Variants in DCUN1D1 observed in about 807,000 individuals in gnomAD.
The protein encoded by DCUN1D1 is DCN1-like protein 1.
In DCUN1D1, 3 loss-of-function variants were observed where a neutral mutation model predicts 39.0. The ratio of observed to expected loss-of-function variants is 0.08; its 90% CI spans 0.04 to 0.20. The LOEUF (loss-of-function observed/expected upper bound fraction) is 0.20, where lower values mean the gene tolerates loss of function less well. Among genes scored for constraint, DCUN1D1 ranks in the 10% least tolerant of loss-of-function variants. The probability of loss-of-function intolerance (pLI) is 1.00; values close to 1 mark genes in which losing one functional copy is unlikely to be tolerated. For missense variants in DCUN1D1, 158 were observed against 302.4 expected (o/e 0.52, Z 3.54); for synonymous variants, 82 against 96.3 (o/e 0.85, Z 0.87).
upstream of DCUN1D1, among the ~76,000 whole-genome samples, chr3:182,982,077 T>G (rs1019547935): frequency 1.3e-5 from 2 of 152,210 alleles, no homozygotes; most frequent in Admixed American, 6.5e-5. Context: ...CTCCAATCTG[T>G]TCTACTCCAT....
chr3:182,947,062 C>T (rs1004333643), intron 6 of DCUN1D1, among the ~76,000 whole-genome samples, 176 bp downstream of exon 6: 4 of 152,114 alleles, frequency 2.6e-5, no homozygotes, highest in Admixed American at 1.3e-4. Flanking sequence ...ATGCTTGCAC[C>T]AATGCACCTA....
intron 1 of DCUN1D1, among the ~76,000 whole-genome samples, chr3:182,971,345 A>G (rs1727924833): frequency 6.6e-6 from 1 of 152,144 alleles, no homozygotes; most frequent in Non-Finnish European, 1.5e-5. Flanking sequence ...CAAGAGGAAC[A>G]CTTGAGCTCA....
At chr3:182,980,582 C>T, upstream of DCUN1D1, 4 of 1,150,152 alleles carry the variant, frequency 3.5e-6, no homozygotes, top group East Asian at 1.0e-4. Context: ...GCTTGCCCGG[C>T]TCCCGCTCAT....
chr3:182,976,182 C>T lies in DCUN1D1; in HGVS notation c.3+4305G>A, dbSNP rs1026762492. On this transcript the variant is annotated intron_variant, in intron 1 of 6. Transcript: ENST00000292782. ...TTCAAAACTCTGTACATAGAAGCTG[C>T]ATGGTAAAGAAAACTGTAATAAGGG... Among the ~76,000 whole-genome samples, 4 of 151,964 alleles carry T rather than the reference C, an allele frequency of 2.6e-5. No individual in the cohort carries two copies. In the East Asian group the frequency reaches 7.7e-4, roughly 29 times the overall value.
chr3:182,956,883 G>A (rs913266471), intron 4 of DCUN1D1, among the ~76,000 whole-genome samples: 1 of 152,162 alleles, frequency 6.6e-6, no homozygotes, highest in African/African-American at 2.4e-5. Context: ...TATTACTTAG[G>A]CTCCTTTTGA....
chr3:182,971,009 T>C (rs1727908871), intron 1 of DCUN1D1, among the ~76,000 whole-genome samples: 1 of 152,014 alleles, frequency 6.6e-6, no homozygotes, highest in African/African-American at 2.4e-5. Context: ...TAGGTAGGAG[T>C]AGCTCTATCT....
In DCUN1D1 at chr3:182,942,205, G is replaced by A. The variant is rs1471260601; in HGVS notation, c.*2889C>T. The A allele has an allele frequency of 6.6e-6, 1 of 152,056 alleles. No individual in the cohort carries two copies. Among genetic ancestry groups the A allele is most frequent in the Non-Finnish European group, 1.5e-5 (1 of 67,990 alleles). 9.4% of individuals were successfully genotyped at this position (152,056 alleles called of 1,614,324 possible). A position where few individuals can be genotyped will look rare whatever the true frequency, so the allele number is the denominator to read the frequency against. ...GTTAATAAAGCAGCCCAGTATAGTT[G>A]TAAACATCTTAAATGTAGTAAACAA... On this transcript the variant is annotated 3_prime_UTR_variant, in exon 7 of 7. Coordinates refer to ENST00000292782, the MANE Select transcript of DCUN1D1 (RefSeq NM_020640.4).
intron 4 of DCUN1D1, among the ~76,000 whole-genome samples, chr3:182,949,306 G>T (rs6794977): frequency 0.2 from 30,569 of 151,746 alleles, 5,234 homozygotes; most frequent in African/African-American, 0.47. Flanking sequence ...GAGGTTGCAG[G>T]GGGCCAAGAT....
In DCUN1D1 at chr3:182,961,373, A is replaced by G. The variant is rs1727385339; in HGVS notation, c.390-17T>C. 6.4e-7 allele frequency: 1 copy of G among 1,569,268 alleles called. No homozygotes were observed. The highest frequency in any genetic ancestry group is 1.4e-5 in the African/African-American group (1 of 72,038). On this transcript the variant is annotated splice_polypyrimidine_tract_variant and intron_variant, in intron 3 of 6. Coordinates refer to ENST00000292782, the MANE Select transcript of DCUN1D1 (RefSeq NM_020640.4). Reference sequence around the variant, plus strand: ...CTGTCACATCTGCGTCGTAAAATTAAGTTTATAAAAGATTAACTGTTTCAC... The same window carrying G: ...CTGTCACATCTGCGTCGTAAAATTAGGTTTATAAAAGATTAACTGTTTCAC...
At chr3:182,979,597 T>TC in intron 1 of DCUN1D1, among the ~76,000 whole-genome samples, 1 of 89,058 alleles carries the variant, frequency 1.1e-5, no homozygotes, top group Non-Finnish European at 3.5e-5. Context: ...GGAGAGGACT[T>TC]TTTCCCCCCC....
At chr3:182,980,138 G>A (rs1259745806) in intron 1 of DCUN1D1, 1 of 898,970 alleles carries the variant, frequency 1.1e-6, no homozygotes, top group Non-Finnish European at 1.3e-6. Context: ...GCAGGGGCAA[G>A]GCCGTTGCCC....
intron 4 of DCUN1D1, among the ~76,000 whole-genome samples, chr3:182,948,044 CTG>C (rs1358223746): frequency 4.6e-5 from 7 of 152,156 alleles, no homozygotes; most frequent in African/African-American, 1.7e-4. Flanking sequence ...AGCAATATCT[CTG>C]ACCTCCATCC....
chr3:182,954,745 CTA>C (rs1443779122), intron 4 of DCUN1D1, among the ~76,000 whole-genome samples: 3 of 152,132 alleles, frequency 2.0e-5, no homozygotes, highest in Admixed American at 1.3e-4. Flanking sequence ...GAGGCTTTTG[CTA>C]TGAGTCATTT....
rs1422390167 is a variant in DCUN1D1 at position 182,944,546 on chromosome 3, T to C, written c.*548A>G. 2 of 152,046 alleles carry C rather than the reference T, an allele frequency of 1.3e-5. No homozygotes were observed. Among genetic ancestry groups the C allele is most frequent in the South Asian group, 2.1e-4 (1 of 4,822 alleles). The allele number at this position is 152,046 out of a possible 1,614,324, so 9.4% of individuals were successfully genotyped here. A position where few individuals can be genotyped will look rare whatever the true frequency, so the allele number is the denominator to read the frequency against. ...ATCAGATACTCACATCAACAACACA[T>C]GTGATTTGCCAGGAAAAAAAAAAAA... On this transcript the variant is annotated 3_prime_UTR_variant, in exon 7 of 7. Coordinates refer to ENST00000292782, the MANE Select transcript of DCUN1D1 (RefSeq NM_020640.4).
At chr3:182,980,025 G>A (rs570426731) in intron 1 of DCUN1D1, 12 of 300,388 alleles carry the variant, frequency 4.0e-5, no homozygotes, top group Non-Finnish European at 5.9e-5. Flanking sequence ...CCTTCTCCCC[G>A]GCCGGGCGGA....
At chr3:182,978,383 CTTTCT>C (rs147176397) in intron 1 of DCUN1D1, among the ~76,000 whole-genome samples, 4,499 of 152,196 alleles carry the variant, frequency 0.03, 229 homozygotes, top group African/African-American at 0.1. Flanking sequence ...AGTCTCTTTC[CTTTCT>C]TATTATTTTT....
chr3:182,976,607 C>T (rs1003445593), intron 1 of DCUN1D1, among the ~76,000 whole-genome samples: 1 of 152,088 alleles, frequency 6.6e-6, no homozygotes, highest in African/African-American at 2.4e-5. Context: ...TTTAGCAACC[C>T]TACTTCCATC....
At chr3:182,982,762 C>T (rs1218103194), upstream of DCUN1D1, among the ~76,000 whole-genome samples, 2 of 151,930 alleles carry the variant, frequency 1.3e-5, no homozygotes, top group African/African-American at 2.4e-5. Flanking sequence ...CCTGTCTCAG[C>T]CCCCACCGAG....
At chr3:182,980,426 G>GGGGTGCGC in intron 1 of DCUN1D1, 61 bp downstream of exon 1, 1 of 1,028,714 alleles carries the variant, frequency 9.7e-7, no homozygotes, top group Non-Finnish European at 1.2e-6. Flanking sequence ...GGCCGGGGCG[G>GGGGTGCGC]GGGTGCGCGG....
Sources: allele counts gnomAD v4.1 joint callset (sites outside exome capture counted in the v4.1 genomes callset), GRCh38; gene constraint gnomAD v4.1.1; transcripts MANE v1.5; gene names NCBI Gene and HGNC (gene_info 2026-07-23, HGNC 2026-07-21).